The following PROM1 variants were observed in gnomAD, a reference collection of about 807,000 sequenced individuals.
PROM1 encodes the protein prominin 1.
A neutral mutation model predicts 116.9 loss-of-function variants in PROM1; 105 were observed. The observed-to-expected ratio is 0.90, with a 90% CI of 0.77 to 1.06. PROM1 has a LOEUF of 1.06. Among genes scored for constraint, PROM1 ranks in the 50% least tolerant of loss-of-function variants. The probability of loss-of-function intolerance (pLI) is 0.00; values close to 1 mark genes in which losing one functional copy is unlikely to be tolerated. For missense variants in PROM1, 1,122 were observed against 1,045.2 expected, an observed-to-expected ratio of 1.07 and a Z score of -1.01; for synonymous variants, 393 against 387.0, an observed-to-expected ratio of 1.02 and a Z score of -0.18.
At chr4:15,979,251 G>A in intron 26 of PROM1, 144 bp downstream of exon 26, 1 of 1,293,908 alleles carries the variant, frequency 7.7e-7, no homozygotes, top group African/African-American at 1.5e-5. Flanking sequence ...ACACTATGTA[G>A]AGCATGATTG....
intron 15 of PROM1, among the ~76,000 whole-genome samples, chr4:15,996,488 T>C (rs1023763559): frequency 9.9e-5 from 15 of 151,028 alleles, no homozygotes; most frequent in Non-Finnish European, 1.8e-4. Context: ...CCAGCCCGGG[T>C]GATAGAGCGA....
chr4:16,076,891 A>G (rs987868305), intron 1 of PROM1, among the ~76,000 whole-genome samples: 2 of 152,264 alleles, frequency 1.3e-5, no homozygotes, highest in Non-Finnish European at 2.9e-5. Context: ...TGAAGGCAGC[A>G]TGCTCGTTAA....
At chr4:16,067,865 C>T (rs917088530) in intron 2 of PROM1, among the ~76,000 whole-genome samples, 19 of 152,180 alleles carry the variant, frequency 1.2e-4, no homozygotes, top group Non-Finnish European at 1.8e-4. Flanking sequence ...ACCCCGGCCA[C>T]GTGACTCAAT....
chr4:16,017,809 G>A (rs1728779157), intron 9 of PROM1, among the ~76,000 whole-genome samples: 1 of 151,998 alleles, frequency 6.6e-6, no homozygotes, highest in Non-Finnish European at 1.5e-5. Context: ...GAAACAGAGT[G>A]AGACTCCATC....
chr4:15,984,572 A>G (rs1718846371), intron 22 of PROM1, among the ~76,000 whole-genome samples: 1 of 152,178 alleles, frequency 6.6e-6, no homozygotes, highest in African/African-American at 2.4e-5. Context: ...GGGGCGGGTG[A>G]GCAAGCAAAG....
At chr4:16,023,459 C>A in intron 7 of PROM1, 44 bp from the exon 8 acceptor site, 1 of 1,415,300 alleles carries the variant, frequency 7.1e-7, no homozygotes, top group South Asian at 1.2e-5. Context: ...GGCCTCTGCT[C>A]ATCTCTCCAC....
intron 16 of PROM1, 48 bp downstream of exon 16, chr4:15,993,939 T>C (rs1487682278): frequency 1.3e-6 from 2 of 1,574,138 alleles, no homozygotes; most frequent in South Asian, 2.4e-5. Context: ...GACACCTAGA[T>C]TTGGTGAAGG....
At chr4:16,024,417 C>A (rs1730716761) in intron 6 of PROM1, 59 bp from the exon 7 acceptor site, 4 of 1,383,850 alleles carry the variant, frequency 2.9e-6, no homozygotes, top group Non-Finnish European at 4.0e-6. Context: ...AATAAGAGGG[C>A]AAAAAGAGAT....
At position 15,969,185 on chromosome 4, in the gene PROM1, A is replaced by AC. The variant is rs1414367292; in HGVS notation, c.*207dup. 6.6e-6 allele frequency: 1 copy of AC among 152,258 alleles called. No homozygotes were observed. Among genetic ancestry groups the AC allele is most frequent in the Non-Finnish European group, 1.5e-5 (1 of 68,050 alleles). 9.4% of individuals were successfully genotyped at this position (152,258 alleles called of 1,614,324 possible). ...GGGAGTCATCCTTGAATAGTGATGG[A>AC]CCATGGACTATAACGTGATTGTGTT... On this transcript the variant is annotated 3_prime_UTR_variant, in exon 28 of 28. Coordinates refer to ENST00000447510, the MANE Select transcript of PROM1 (RefSeq NM_006017.3).
chr4:16,017,175 T>C (rs1465454859), intron 9 of PROM1, among the ~76,000 whole-genome samples: 1 of 152,228 alleles, frequency 6.6e-6, no homozygotes, highest in African/African-American at 2.4e-5. Context: ...CATATTATTT[T>C]ATGCATGTAT....
intron 11 of PROM1, among the ~76,000 whole-genome samples, 162 bp downstream of exon 11, chr4:16,013,113 C>A (rs16892775): frequency 0.11 from 17,341 of 152,130 alleles, 1,418 homozygotes; most frequent in East Asian, 0.25. Context: ...TTGTTTTTAA[C>A]TGTCCGAATG....
chr4:16,026,421 A>C (rs1250969039), intron 5 of PROM1, among the ~76,000 whole-genome samples: 1 of 152,192 alleles, frequency 6.6e-6, no homozygotes, highest in Non-Finnish European at 1.5e-5. Flanking sequence ...GCAAGTAAAA[A>C]ACTTGTTAGT....
chr4:16,075,677 C>G lies in PROM1; in HGVS notation c.220+10G>C, dbSNP rs1369088122. On this transcript the variant is annotated intron_variant, in intron 2 of 27. Coordinates refer to ENST00000447510, the MANE Select transcript of PROM1 (RefSeq NM_006017.3). ...GATAAATCCTATCTTTCCCTGCCAT[C>G]AGCACTTACCTTCTGGGAAATCACG... 1 of 1,605,458 alleles carries G rather than the reference C, an allele frequency of 6.2e-7. No individual in the cohort carries two copies. Among genetic ancestry groups the G allele is most frequent in the Admixed American group, 1.7e-5 (1 of 59,366 alleles).
chr4:15,992,134 A>G, intron 17 of PROM1, 114 bp downstream of exon 17: 21 of 1,377,052 alleles, frequency 1.5e-5, no homozygotes, highest in Non-Finnish European at 2.1e-5. Context: ...TCACTTTAAA[A>G]TAGTCTTACA....
chr4:16,001,930 T>C (rs1406753206), intron 13 of PROM1, among the ~76,000 whole-genome samples: 2 of 152,058 alleles, frequency 1.3e-5, no homozygotes, highest in Admixed American at 1.3e-4. Context: ...AAGGGGATGA[T>C]CCATTTTATC....
intron 2 of PROM1, among the ~76,000 whole-genome samples, chr4:16,041,118 A>C (rs932062359): frequency 2.0e-5 from 3 of 152,190 alleles, no homozygotes; most frequent in African/African-American, 7.2e-5. Flanking sequence ...ACAAGATGTT[A>C]ATTGCTTTTT....
chr4:16,035,200 A>C (rs1733687046), intron 4 of PROM1, among the ~76,000 whole-genome samples: 1 of 152,246 alleles, frequency 6.6e-6, no homozygotes, highest in South Asian at 2.1e-4. Context: ...CTTGTCAGTT[A>C]AGAAACCAGC....
chr4:16,040,777 T>C (rs952261711), intron 2 of PROM1, among the ~76,000 whole-genome samples: 2 of 152,194 alleles, frequency 1.3e-5, no homozygotes, highest in African/African-American at 4.8e-5. Flanking sequence ...GGTATATACC[T>C]GCTATCATTA....
At chr4:16,082,617 G>C (rs1184696638) in intron 1 of PROM1, 1 of 152,346 alleles carries the variant, frequency 6.6e-6, no homozygotes, top group Non-Finnish European at 1.5e-5. Context: ...ATGAGCGGCG[G>C]GGCGGGCGCG....
Sources: allele counts gnomAD v4.1 joint callset (sites outside exome capture counted in the v4.1 genomes callset), GRCh38; gene constraint gnomAD v4.1.1; transcripts MANE v1.5; gene names NCBI Gene and HGNC (gene_info 2026-07-23, HGNC 2026-07-21).